Variants in MC2R observed in about 807,000 individuals in gnomAD.
MC2R encodes the protein melanocortin 2 receptor.
In MC2R, 9 loss-of-function variants were observed where a neutral mutation model predicts 9.8. That is an observed-to-expected ratio of 0.92 (90% CI 0.55 to 1.60). The LOEUF (loss-of-function observed/expected upper bound fraction) is 1.60, where lower values mean the gene tolerates loss of function less well. Ranked by LOEUF, MC2R falls within the 40% of genes most tolerant of loss-of-function variation. MC2R has a pLI of 0.00. For missense variants in MC2R, 370 were observed against 389.0 expected, an observed-to-expected ratio of 0.95 and a Z score of 0.41; for synonymous variants, 185 against 154.7, an observed-to-expected ratio of 1.20 and a Z score of -1.45.
intron 1 of MC2R, among the ~76,000 whole-genome samples, chr18:13,909,129 AT>A (rs2045430376): frequency 6.6e-6 from 1 of 152,040 alleles, no homozygotes; most frequent in Non-Finnish European, 1.5e-5. Context: ...TGGTTGTGAC[AT>A]TTTCTCAGAC....
At chr18:13,897,118 T>A (rs8085582) in intron 1 of MC2R, among the ~76,000 whole-genome samples, 150,323 of 152,312 alleles carry the variant, frequency 0.99, 74,203 homozygotes, top group Middle Eastern at 1. Context: ...AGCACTGAAG[T>A]GGTAGAGAAA....
chr18:13,902,706 A>G (rs1474137899), intron 1 of MC2R, among the ~76,000 whole-genome samples: 1 of 152,200 alleles, frequency 6.6e-6, no homozygotes, highest in Non-Finnish European at 1.5e-5. Context: ...TGGATTAAAG[A>G]CTTAAATATA....
At chr18:13,889,536 T>C (rs925161582) in intron 1 of MC2R, among the ~76,000 whole-genome samples, 1 of 152,118 alleles carries the variant, frequency 6.6e-6, no homozygotes, top group African/African-American at 2.4e-5. Context: ...GGCGCACAAA[T>C]CATCGAGTTA....
Position 13,884,728 on chromosome 18 carries a change from A to T in MC2R, c.791T>A (p.Leu264Ter), listed in dbSNP as rs764651031. The change falls in exon 2 of 2, where the codon TTG becomes TAG. Residue 264 changes from leucine to a stop codon, truncating the protein, a stop_gained. Transcript: ENST00000327606. LOFTEE classifies it high-confidence loss of function. ...GTCAATGACGGCATTGCACATGATCAACATGCCGTTCACCTGGAAGAGAGA... is the reference window on the plus strand; with the variant it reads ...GTCAATGACGGCATTGCACATGATCTACATGCCGTTCACCTGGAAGAGAGA... ...YMSLFQVNGMLIMCNAVIDPF... is the reference protein window; with the variant it reads ...YMSLFQVNGM The T allele has an allele frequency of 3.1e-6, 5 of 1,614,138 alleles. No individual in the cohort carries two copies. Among genetic ancestry groups the T allele is most frequent in the Non-Finnish European group, 4.2e-6 (5 of 1,180,012 alleles).
At chr18:13,904,332 G>T (rs915933552) in intron 1 of MC2R, among the ~76,000 whole-genome samples, 1 of 143,890 alleles carries the variant, frequency 6.9e-6, no homozygotes, top group Non-Finnish European at 1.5e-5. Context: ...AGTGAGCTGA[G>T]ATAGCACCAC....
At chr18:13,912,197 A>T (rs1421021811) in intron 1 of MC2R, among the ~76,000 whole-genome samples, 1 of 152,168 alleles carries the variant, frequency 6.6e-6, no homozygotes, top group Non-Finnish European at 1.5e-5. Context: ...TTTCTCTTGC[A>T]ATGTTAAAGG....
intron 1 of MC2R, among the ~76,000 whole-genome samples, chr18:13,905,038 G>A (rs1016740321): frequency 6.6e-6 from 1 of 152,110 alleles, no homozygotes; most frequent in Non-Finnish European, 1.5e-5. Flanking sequence ...TTGACAAATG[G>A]GATCTAATTA....
intron 1 of MC2R, among the ~76,000 whole-genome samples, chr18:13,898,606 C>T (rs2045360529): frequency 6.6e-6 from 1 of 152,180 alleles, no homozygotes; most frequent in Admixed American, 6.5e-5. Flanking sequence ...CTGACCCAGC[C>T]CAGTCACAGT....
At chr18:13,915,379 T>C (rs2045470168) in intron 1 of MC2R, 109 bp downstream of exon 1, 2 of 152,538 alleles carry the variant, frequency 1.3e-5, no homozygotes, top group South Asian at 4.1e-4. Flanking sequence ...AAAGATGAGC[T>C]ATTTGGAGGA....
chr18:13,890,702 G>T (rs184932779), intron 1 of MC2R, among the ~76,000 whole-genome samples: 2 of 152,270 alleles, frequency 1.3e-5, no homozygotes, highest in Admixed American at 6.5e-5. Flanking sequence ...TTATGTCTGT[G>T]TGTCTGTATG....
chr18:13,906,902 A>G (rs987540523), intron 1 of MC2R, among the ~76,000 whole-genome samples: 1 of 152,238 alleles, frequency 6.6e-6, no homozygotes, highest in Non-Finnish European at 1.5e-5. Flanking sequence ...ACAATATTCT[A>G]TGCTCATGGG....
chr18:13,882,340 C>A lies in MC2R; in HGVS notation c.*2285G>T, dbSNP rs1473493573. 6.6e-6 allele frequency: 1 copy of A among 152,068 alleles called. No individual in the cohort carries two copies. The highest frequency in any genetic ancestry group is 2.4e-5 in the African/African-American group (1 of 41,398). 9.4% of individuals were successfully genotyped at this position (152,068 alleles called of 1,614,324 possible). A position where few individuals can be genotyped will look rare whatever the true frequency, so the allele number is the denominator to read the frequency against. On this transcript the variant is annotated 3_prime_UTR_variant, in exon 2 of 2. Coordinates refer to ENST00000327606, the MANE Select transcript of MC2R (RefSeq NM_000529.2). The stretch of plus-strand genomic sequence containing the variant: ...GTGAGTTTTCTCAGTAACTATGAGC[C>A]CTGAAGCTTCTGTTCTGATTGGAAT...
At chr18:13,895,699 G>A (rs1362244847) in intron 1 of MC2R, among the ~76,000 whole-genome samples, 1 of 152,206 alleles carries the variant, frequency 6.6e-6, no homozygotes, top group African/African-American at 2.4e-5. Context: ...GGGAGGTGAC[G>A]TCAGACCTGG....
chr18:13,886,346 G>A (rs539544278), intron 1 of MC2R, among the ~76,000 whole-genome samples: 11 of 152,174 alleles, frequency 7.2e-5, no homozygotes, highest in Admixed American at 5.2e-4. Flanking sequence ...ATTCTTTGCC[G>A]CCCCACTTTC....
intron 1 of MC2R, among the ~76,000 whole-genome samples, chr18:13,894,137 T>G (rs1035475338): frequency 1.8e-5 from 1 of 55,170 alleles, no homozygotes; most frequent in Non-Finnish European, 3.7e-5. Context: ...CATGTGTGTT[T>G]GTGTGTGTGT....
Position 13,884,541 on chromosome 18 carries a change from G to T in MC2R, c.*84C>A. 1 of 1,427,094 alleles carries T rather than the reference G, an allele frequency of 7.0e-7. No homozygotes were observed. Among genetic ancestry groups the T allele is most frequent in the South Asian group, 1.2e-5 (1 of 86,736 alleles). The allele number at this position is 1,427,094 out of a possible 1,614,324, so 88.4% of individuals were successfully genotyped here. ...ATTAGGGAAGGAAGGCCAGTGAGGA[G>T]CACTGGCATTTGTTGGAATGTTACA... On this transcript the variant is annotated 3_prime_UTR_variant, in exon 2 of 2. Coordinates refer to ENST00000327606, the MANE Select transcript of MC2R (RefSeq NM_000529.2).
intron 1 of MC2R, among the ~76,000 whole-genome samples, chr18:13,907,073 GA>G (rs1314695222): frequency 2.0e-5 from 3 of 152,138 alleles, no homozygotes; most frequent in Non-Finnish European, 2.9e-5. Context: ...AAGCAGTCTG[GA>G]GCAAAAAGAG....
intron 1 of MC2R, among the ~76,000 whole-genome samples, chr18:13,896,300 T>C (rs2045345961): frequency 6.6e-6 from 1 of 152,194 alleles, no homozygotes; most frequent in Non-Finnish European, 1.5e-5. Flanking sequence ...AAAGGTGATG[T>C]GACACCTAGA....
At chr18:13,889,442 G>A (rs997623375) in intron 1 of MC2R, among the ~76,000 whole-genome samples, 2 of 152,206 alleles carry the variant, frequency 1.3e-5, no homozygotes, top group Non-Finnish European at 2.9e-5. Context: ...GTCTTGGCAG[G>A]CAGAGCAGAC....
Sources: gnomAD v4.1 joint callset for allele counts (sites outside exome capture counted in the v4.1 genomes callset) on GRCh38, gnomAD v4.1.1 for gene constraint, MANE v1.5 for transcripts, NCBI Gene and HGNC (gene_info 2026-07-23, HGNC 2026-07-21) for gene names.